Variants in ADGRL3 observed in about 807,000 individuals in gnomAD.
ADGRL3 encodes the protein calcium-independent alpha-latrotoxin receptor 3.
ADGRL3 carries 62 observed loss-of-function variants against 153.5 expected under a neutral mutation model. The ratio of observed to expected loss-of-function variants is 0.40; its 90% confidence interval spans 0.33 to 0.50. The LOEUF (loss-of-function observed/expected upper bound fraction) is 0.50. ADGRL3 is among the 20% of genes least tolerant of loss of function. ADGRL3 has a pLI of 0.47. For synonymous variants in ADGRL3, 710 were observed against 672.5 expected (o/e 1.06, Z -0.86); for missense variants, 1,641 against 1,859.4 (o/e 0.88, Z 2.16).
chr4:61,361,886 A>G (rs1205775876), intron 1 of ADGRL3, among the ~76,000 whole-genome samples: 2 of 151,682 alleles, frequency 1.3e-5, no homozygotes, highest in Non-Finnish European at 2.9e-5. Context: ...ATAAAATTGA[A>G]GAAAAATATT....
intron 1 of ADGRL3, among the ~76,000 whole-genome samples, chr4:61,372,557 C>T (rs533988751): frequency 3.5e-4 from 53 of 152,252 alleles, no homozygotes; most frequent in African/African-American, 1.1e-3. Flanking sequence ...CAGGGGTCAG[C>T]GATCCACTTG....
intron 9 of ADGRL3, among the ~76,000 whole-genome samples, chr4:61,881,524 G>A (rs539566733): frequency 3.9e-5 from 6 of 152,220 alleles, no homozygotes; most frequent in South Asian, 2.1e-4. Context: ...GATTACAGGC[G>A]CATGCCACCA....
Position 61,229,766 on chromosome 4 carries a change from G to T in ADGRL3, c.-240+28001G>T, listed in dbSNP as rs189292849. Among the ~76,000 whole-genome samples, 315 of 152,190 alleles carry T rather than the reference G, an allele frequency of 2.1e-3. 5 individuals are homozygous for T. Among genetic ancestry groups the T allele is most frequent in the Non-Finnish European group, 4.4e-4 (30 of 68,004 alleles). On this transcript the variant is annotated intron_variant, in intron 1 of 26. Transcript: ENST00000683033. ...AAAACATTTTTAAAAAATTAGCTCT[G>T]TGTGGTGGCATGTGCCTGTAGTCCC...
At chr4:61,931,916 A>T (rs1438373034) in intron 13 of ADGRL3, among the ~76,000 whole-genome samples, 1 of 152,110 alleles carries the variant, frequency 6.6e-6, no homozygotes, top group African/African-American at 2.4e-5. Flanking sequence ...TTTATTTGCC[A>T]TCAGTTCAAA....
intron 1 of ADGRL3, among the ~76,000 whole-genome samples, chr4:61,240,916 T>A (rs1439417688): frequency 6.6e-6 from 1 of 152,072 alleles, no homozygotes; most frequent in Non-Finnish European, 1.5e-5. Flanking sequence ...TTGTTGAAAC[T>A]GATGTATAGG....
At chr4:61,968,182 A>G (rs1182576173) in intron 17 of ADGRL3, among the ~76,000 whole-genome samples, 1 of 152,200 alleles carries the variant, frequency 6.6e-6, no homozygotes, top group Admixed American at 6.5e-5. Flanking sequence ...TAAACAAGTT[A>G]CAGCTTTTAG....
intron 1 of ADGRL3, among the ~76,000 whole-genome samples, chr4:61,355,144 A>G (rs995308289): frequency 4.6e-5 from 7 of 152,078 alleles, no homozygotes; most frequent in African/African-American, 7.2e-5. Context: ...CTAAGGTTCA[A>G]TGTTCTCATA....
At chr4:61,291,133 T>C (rs369213348) in intron 1 of ADGRL3, among the ~76,000 whole-genome samples, 1 of 151,556 alleles carries the variant, frequency 6.6e-6, no homozygotes, top group East Asian at 2.0e-4. Flanking sequence ...CTTTGCTATA[T>C]GTATTTTGAA....
At chr4:61,954,334 T>G (rs2098958181) in intron 17 of ADGRL3, among the ~76,000 whole-genome samples, 1 of 151,978 alleles carries the variant, frequency 6.6e-6, no homozygotes, top group Non-Finnish European at 1.5e-5. Flanking sequence ...CACCTAGGTT[T>G]AAACCTCTAT....
intron 4 of ADGRL3, among the ~76,000 whole-genome samples, chr4:61,577,221 G>T (rs201395247): frequency 7.8e-6 from 1 of 128,536 alleles, no homozygotes; most frequent in Non-Finnish European, 1.7e-5. Context: ...TTAGGGAAAT[G>T]GGGGGGGGAT....
chr4:62,052,687 A>G (rs1734871515), intron 25 of ADGRL3, among the ~76,000 whole-genome samples: 2 of 151,304 alleles, frequency 1.3e-5, no homozygotes, highest in African/African-American at 4.8e-5. Flanking sequence ...AAATTTTTAT[A>G]TTTCAGTACG....
intron 5 of ADGRL3, among the ~76,000 whole-genome samples, chr4:61,643,357 G>C (rs1467947566): frequency 6.6e-6 from 1 of 151,982 alleles, no homozygotes; most frequent in East Asian, 1.9e-4. Context: ...GGGCATCCCT[G>C]TCTTGTGCCA....
At chr4:61,474,754 T>G (rs1279978928) in intron 2 of ADGRL3, among the ~76,000 whole-genome samples, 1 of 152,112 alleles carries the variant, frequency 6.6e-6, no homozygotes, top group Non-Finnish European at 1.5e-5. Flanking sequence ...TCTCAAAGCT[T>G]TAGCACTGAG....
chr4:61,961,160 A>T (rs2098986401), intron 17 of ADGRL3, among the ~76,000 whole-genome samples: 1 of 152,112 alleles, frequency 6.6e-6, no homozygotes, highest in South Asian at 2.1e-4. Context: ...ACTAGATATT[A>T]ACCATTTGTA....
chr4:61,636,107 A>G (rs1054391967), intron 5 of ADGRL3, among the ~76,000 whole-genome samples: 1 of 152,118 alleles, frequency 6.6e-6, no homozygotes, highest in Non-Finnish European at 1.5e-5. Context: ...TCGAAACTAC[A>G]CACTAGACTA....
At chr4:61,536,990 G>A (rs1471293390) in intron 4 of ADGRL3, among the ~76,000 whole-genome samples, 4 of 151,938 alleles carry the variant, frequency 2.6e-5, no homozygotes, top group South Asian at 2.1e-4. Context: ...AACTTTTTAC[G>A]GATGTGTGCT....
At chr4:61,855,861 A>G (rs2098257650) in intron 9 of ADGRL3, among the ~76,000 whole-genome samples, 1 of 152,138 alleles carries the variant, frequency 6.6e-6, no homozygotes, top group African/African-American at 2.4e-5. Context: ...ATGTTACAGT[A>G]GAAGGCAATG....
At chr4:61,721,751 TC>T (rs1202369659) in intron 6 of ADGRL3, among the ~76,000 whole-genome samples, 1 of 152,086 alleles carries the variant, frequency 6.6e-6, no homozygotes, top group Non-Finnish European at 1.5e-5. Flanking sequence ...CTCCCATCAC[TC>T]CCCTTTTGAG....
rs1361604301 is a variant in ADGRL3 at position 61,465,045 on chromosome 4, A to G, written c.-173-32076A>G. ...AGGAATGGGGTCCCGATGCTCAACCACGGGATCCTGATGTCAGAGTATATT... is the reference window on the plus strand; with the variant it reads ...AGGAATGGGGTCCCGATGCTCAACCGCGGGATCCTGATGTCAGAGTATATT... On this transcript the variant is annotated intron_variant, in intron 2 of 26. Transcript: ENST00000683033. 3.9e-5 allele frequency among the ~76,000 whole-genome samples: 6 copies of G among 152,220 alleles called. No individual in the cohort carries two copies. The East Asian group carries it at 1.2e-3, about 29-fold the overall frequency.
Sources: allele counts gnomAD v4.1 joint callset (sites outside exome capture counted in the v4.1 genomes callset), GRCh38; gene constraint gnomAD v4.1.1; transcripts MANE v1.5; gene names NCBI Gene and HGNC (gene_info 2026-07-23, HGNC 2026-07-21).